LNX2: variants seen among roughly 807,000 people sequenced by gnomAD.
LNX2 encodes ligand of numb-protein X 2.
A neutral mutation model predicts 66.2 loss-of-function variants in LNX2; 35 were observed. That is an observed-to-expected ratio of 0.53 (90% CI 0.40 to 0.70). LNX2 has a LOEUF of 0.70. Among genes scored for constraint, LNX2 ranks in the 30% least tolerant of loss-of-function variants. LNX2 has a pLI of 0.00. For synonymous variants in LNX2, 337 were observed against 315.6 expected, an observed-to-expected ratio of 1.07 and a Z score of -0.72; for missense variants, 791 against 850.8, an observed-to-expected ratio of 0.93 and a Z score of 0.87.
At chr13:27,567,923 G>A (rs922739171) in intron 3 of LNX2, 84 bp from the exon 4 acceptor site, 3 of 1,100,576 alleles carry the variant, frequency 2.7e-6, no homozygotes, top group Non-Finnish European at 4.1e-6. Flanking sequence ...TTATCTTCAG[G>A]TAAGTATGTC....
intron 7 of LNX2, among the ~76,000 whole-genome samples, chr13:27,554,437 TTC>T (rs144714808): frequency 0.044 from 6,679 of 152,322 alleles, 206 homozygotes; most frequent in Non-Finnish European, 0.067. Flanking sequence ...CTAATCTACT[TTC>T]TGTCTCTACA....
At chr13:27,582,082 T>C (rs1292282322) in intron 1 of LNX2, among the ~76,000 whole-genome samples, 5 of 152,184 alleles carry the variant, frequency 3.3e-5, no homozygotes, top group Non-Finnish European at 7.3e-5. Context: ...CAGGCTGGAG[T>C]GCAGTGGTGC....
intron 2 of LNX2, among the ~76,000 whole-genome samples, chr13:27,578,393 C>T (rs142562875): frequency 2.4e-4 from 37 of 152,160 alleles, no homozygotes; most frequent in Admixed American, 1.0e-3. Context: ...ATTTGTATAC[C>T]GAGAAGCCGC....
At chr13:27,580,188 A>T (rs1680778380) in intron 2 of LNX2, among the ~76,000 whole-genome samples, 1 of 152,200 alleles carries the variant, frequency 6.6e-6, no homozygotes, top group South Asian at 2.1e-4. Flanking sequence ...ACATGACTTG[A>T]CCTACGATAG....
At position 27,559,832 on chromosome 13, in the gene LNX2, A is replaced by C. The variant is rs200544870; in HGVS notation, c.1368+10T>G. The C allele has an allele frequency of 5.5e-4, 828 of 1,501,268 alleles. 1 individual carries two copies. Among genetic ancestry groups the C allele is most frequent in the Non-Finnish European group, 6.8e-4 (766 of 1,121,026 alleles). 93.0% of individuals were successfully genotyped at this position (1,501,268 alleles called of 1,614,324 possible). A position where few individuals can be genotyped will look rare whatever the true frequency, so the allele number is the denominator to read the frequency against. ...TTGATGGTGGCATAAAAAAAAAAAA[A>C]AATCCTCACCTTATGTGAGCTTGGT... is the stretch of plus-strand genomic sequence containing the variant. On this transcript the variant is annotated intron_variant, in intron 6 of 9. Transcript: ENST00000316334.
chr13:27,616,395 C>T (rs773828031), intron 1 of LNX2, among the ~76,000 whole-genome samples: 3 of 152,022 alleles, frequency 2.0e-5, no homozygotes, highest in Non-Finnish European at 2.9e-5. Flanking sequence ...CGTTTCTTAT[C>T]GGACTTAAAG....
At chr13:27,586,134 TACAC>T (rs1449615622) in intron 1 of LNX2, among the ~76,000 whole-genome samples, 1 of 150,700 alleles carries the variant, frequency 6.6e-6, no homozygotes, top group Non-Finnish European at 1.5e-5. Context: ...TATACACACA[TACAC>T]ATATATATTG....
At position 27,583,201 on chromosome 13, in the gene LNX2, T is replaced by TGCGCGCGCGC. The variant is rs1566124631; in HGVS notation, c.-100-1399_-100-1398insGCGCGCGCGC. On this transcript the variant is annotated intron_variant, in intron 1 of 9. Transcript: ENST00000316334. ...GTGTGTGTGTGTGTGTGTGTGTGTG[T>TGCGCGCGCGC]GTGTGTGTGTGTGTGTGTGTGTGTG... Among the ~76,000 whole-genome samples the TGCGCGCGCGC allele has an allele frequency of 1.6e-3, 22 of 14,026 alleles. 2 individuals are homozygous for TGCGCGCGCGC. Among genetic ancestry groups the TGCGCGCGCGC allele is most frequent in the South Asian group, 5.0e-3 (1 of 200 alleles). 9.2% of individuals were successfully genotyped at this position (14,026 alleles called of 152,430 possible). A position where few individuals can be genotyped will look rare whatever the true frequency, so the allele number is the denominator to read the frequency against.
rs1309179785 is a variant in LNX2 at position 27,581,790 on chromosome 13, C to T, written c.-87G>A. On this transcript the variant is annotated 5_prime_UTR_variant, in exon 2 of 10. Coordinates refer to ENST00000316334, the MANE Select transcript of LNX2 (RefSeq NM_153371.4). ...AGACAGTGATGTATCTGACTAAAGT[C>T]AAGGTGTGTTTTTCTAGATAAGCAA... 4 of 1,143,846 alleles carry T rather than the reference C, an allele frequency of 3.5e-6. No individual in the cohort carries two copies. The highest frequency in any genetic ancestry group is 3.7e-6 in the Non-Finnish European group (3 of 817,452). 70.9% of individuals were successfully genotyped at this position (1,143,846 alleles called of 1,614,324 possible). A position where few individuals can be genotyped will look rare whatever the true frequency, so the allele number is the denominator to read the frequency against.
At position 27,581,476 on chromosome 13, in the gene LNX2, G is replaced by A; in HGVS notation, c.228C>T (p.Asn76=). Residue 76 remains asparagine (N), a synonymous_variant, in exon 2 of 10, where the codon AAC becomes AAT. Transcript: ENST00000316334. ...GHTFCYKCLR[N]FLQEKDFCPL... Reference sequence around the variant, plus strand: ...GACAGAAATCTTTCTCTTGTAAAAAGTTTCTGAGGCACTTGTAGCAGAATG... The same window carrying A: ...GACAGAAATCTTTCTCTTGTAAAAAATTTCTGAGGCACTTGTAGCAGAATG... 1 of 1,611,394 alleles carries A rather than the reference G, an allele frequency of 6.2e-7. No homozygotes were observed. Among genetic ancestry groups the A allele is most frequent in the Non-Finnish European group, 8.5e-7 (1 of 1,178,146 alleles).
Position 27,581,746 on chromosome 13 carries a change from A to C in LNX2, c.-43T>G. On this transcript the variant is annotated 5_prime_UTR_variant, in exon 2 of 10. Transcript: ENST00000316334. ...TCCTCATGTGTTAGACTTCCACTTC[A>C]CGCTTGGTTTCCTTTAACAGACAGT... The C allele has an allele frequency of 1.3e-6, 2 of 1,517,474 alleles. No homozygotes were observed. The highest frequency in any genetic ancestry group is 2.6e-5 in the South Asian group (2 of 75,788). 94.0% of individuals were successfully genotyped at this position (1,517,474 alleles called of 1,614,324 possible). A position where few individuals can be genotyped will look rare whatever the true frequency, so the allele number is the denominator to read the frequency against.
At chr13:27,611,665 T>G (rs1231972809) in intron 1 of LNX2, among the ~76,000 whole-genome samples, 1 of 152,220 alleles carries the variant, frequency 6.6e-6, no homozygotes, top group Non-Finnish European at 1.5e-5. Context: ...TTATTTTACT[T>G]CAACCACTGA....
chr13:27,611,692 C>G (rs1955774818), intron 1 of LNX2, among the ~76,000 whole-genome samples: 1 of 151,682 alleles, frequency 6.6e-6, no homozygotes, highest in Non-Finnish European at 1.5e-5. Context: ...AGCATCCAAA[C>G]TGAGATATAC....
At chr13:27,580,837 T>G (rs989664170) in intron 2 of LNX2, among the ~76,000 whole-genome samples, 1 of 152,210 alleles carries the variant, frequency 6.6e-6, no homozygotes, top group Admixed American at 6.5e-5. Flanking sequence ...TCCCTACTTT[T>G]AAATAACTGA....
In LNX2 at chr13:27,553,291, C is replaced by G; in HGVS notation, c.1695G>C (p.Ala565=). 6.2e-7 allele frequency: 1 copy of G among 1,614,156 alleles called. No individual in the cohort carries two copies. Among genetic ancestry groups the G allele is most frequent in the South Asian group, 1.1e-5 (1 of 91,080 alleles). ...CGCTGAAAGTACTCGGCTGCTCCTC[C>G]GCGTTCTGAGTCGCCTCCTCAACAA... is the stretch of plus-strand genomic sequence containing the variant. ...VQIVEEATQN[A]EEQPSTFSEN... is the part of the protein sequence containing the mutation. Residue 565 remains alanine, a synonymous_variant, in exon 8 of 10, where the codon GCG becomes GCC. Transcript: ENST00000316334.
chr13:27,590,911 G>T (rs531974309), intron 1 of LNX2, among the ~76,000 whole-genome samples: 1 of 152,144 alleles, frequency 6.6e-6, no homozygotes, highest in South Asian at 2.1e-4. Flanking sequence ...AATTTAAAAA[G>T]CATATTTAGG....
intron 1 of LNX2, among the ~76,000 whole-genome samples, chr13:27,595,485 G>GTCC (rs3049453): frequency 0.69 from 104,608 of 151,648 alleles, 37,767 homozygotes; most frequent in African/African-American, 0.92. Flanking sequence ...GAACAAATGT[G>GTCC]TCAACTTTTA....
intron 7 of LNX2, among the ~76,000 whole-genome samples, chr13:27,553,732 G>T (rs951723583): frequency 6.6e-6 from 1 of 152,134 alleles, no homozygotes. Context: ...GTTTAGCTGT[G>T]TACAGGCCCT....
chr13:27,558,884 G>A (rs191088106), intron 6 of LNX2, among the ~76,000 whole-genome samples: 125 of 152,192 alleles, frequency 8.2e-4, no homozygotes, highest in South Asian at 2.1e-3. Context: ...TTTAAGCTAT[G>A]CTTTCTTAGG....
Sources: gnomAD v4.1 joint callset for allele counts (sites outside exome capture counted in the v4.1 genomes callset) on GRCh38, gnomAD v4.1.1 for gene constraint, MANE v1.5 for transcripts, NCBI Gene and HGNC (gene_info 2026-07-23, HGNC 2026-07-21) for gene names.